CLHC1: variants seen among roughly 807,000 people sequenced by gnomAD.
CLHC1 encodes the protein clathrin heavy chain linker domain-containing protein 1.
Under a neutral mutation model 69.5 loss-of-function variants are expected in CLHC1, and 72 were observed. The ratio of observed to expected loss-of-function variants is 1.04; its 90% CI spans 0.86 to 1.26. CLHC1 has a LOEUF of 1.26. Among genes scored for constraint, CLHC1 ranks in the 50% most tolerant of loss-of-function variants. The pLI, the probability that CLHC1 is intolerant of heterozygous loss-of-function variation, is 0.00. For missense variants in CLHC1, 790 were observed against 679.3 expected, an observed-to-expected ratio of 1.16 and a Z score of -1.81; for synonymous variants, 223 against 224.3, an observed-to-expected ratio of 0.99 and a Z score of 0.05.
At chr2:55,185,721 T>C (rs1670356286) in intron 9 of CLHC1, among the ~76,000 whole-genome samples, 1 of 152,218 alleles carries the variant, frequency 6.6e-6, no homozygotes, top group Non-Finnish European at 1.5e-5. Context: ...TAGTCCTTTA[T>C]CTCATTGAAA....
At chr2:55,197,746 C>T (rs567232626) in intron 9 of CLHC1, among the ~76,000 whole-genome samples, 15 of 152,272 alleles carry the variant, frequency 9.9e-5, no homozygotes, top group African/African-American at 2.6e-4. Flanking sequence ...AACAAGCCCA[C>T]ACTGTGAAGA....
rs187383804 is a variant in CLHC1, at chr2:55,172,686, T to C, written c.*3104A>G. 8.0e-6 allele frequency among the ~76,000 whole-genome samples: 1 copy of C among 125,364 alleles called. No individual in the cohort carries two copies. The highest frequency in any genetic ancestry group is 3.1e-5 in the African/African-American group (1 of 32,202). The allele number at this position is 125,364 out of a possible 152,430, so 82.2% of individuals were successfully genotyped here. A position where few individuals can be genotyped will look rare whatever the true frequency, so the allele number is the denominator to read the frequency against. ...ATGGAAGAAATGTATGAGCTTTCTA[T>C]GAAATGTACAAAGTTAAAAAAAAAA... On this transcript the variant is annotated 3_prime_UTR_variant, in exon 13 of 13. Transcript: ENST00000401408.
rs76133933 is a variant in CLHC1 at position 55,212,368 on chromosome 2, C to A, written c.499+305G>T. Among the ~76,000 whole-genome samples the A allele has an allele frequency of 3.0e-3, 463 of 152,306 alleles. 3 individuals carry two copies. The highest frequency in any genetic ancestry group is 0.011 in the African/African-American group (459 of 41,570). The stretch of plus-strand genomic sequence containing the variant: ...TTTCTGACACAGTTAAGTCTCTGAT[C>A]TGATGGGAATCAGGAATTTGCATTT... On this transcript the variant is annotated intron_variant, in intron 5 of 12. Transcript: ENST00000401408.
intron 12 of CLHC1, 33 bp from the exon 13 acceptor site, chr2:55,176,019 C>A: frequency 6.6e-7 from 1 of 1,511,550 alleles, no homozygotes; most frequent in Non-Finnish European, 9.1e-7. Context: ...TATAGTATGG[C>A]ACTTATTTGA....
chr2:55,202,342 G>C (rs1022653384), intron 9 of CLHC1, among the ~76,000 whole-genome samples: 1 of 151,130 alleles, frequency 6.6e-6, no homozygotes, highest in East Asian at 1.9e-4. Flanking sequence ...GATCACCTGA[G>C]GTCAGGAGTT....
At chr2:55,190,759 A>T (rs1053423973) in intron 9 of CLHC1, among the ~76,000 whole-genome samples, 1 of 152,206 alleles carries the variant, frequency 6.6e-6, no homozygotes, top group Admixed American at 6.5e-5. Flanking sequence ...CATATAACTG[A>T]CATCCCTGAA....
At chr2:55,204,743 T>C (rs991701543) in intron 9 of CLHC1, among the ~76,000 whole-genome samples, 12 of 152,178 alleles carry the variant, frequency 7.9e-5, no homozygotes, top group Non-Finnish European at 1.6e-4. Context: ...TGGAGTACTA[T>C]TCAGTCATAA....
chr2:55,202,353 C>A (rs192622919), intron 9 of CLHC1, among the ~76,000 whole-genome samples: 1 of 150,894 alleles, frequency 6.6e-6, no homozygotes, highest in Admixed American at 6.6e-5. Context: ...GTCAGGAGTT[C>A]GAGATCAGCC....
At chr2:55,201,265 C>T (rs1250895560) in intron 9 of CLHC1, among the ~76,000 whole-genome samples, 1 of 151,016 alleles carries the variant, frequency 6.6e-6, no homozygotes, top group Non-Finnish European at 1.5e-5. Context: ...ATTGACAAAT[C>T]CTTAGCCAAA....
At chr2:55,216,928 G>A (rs956532298) in intron 4 of CLHC1, among the ~76,000 whole-genome samples, 6 of 152,198 alleles carry the variant, frequency 3.9e-5, no homozygotes, top group African/African-American at 7.2e-5. Context: ...CATGCAGATC[G>A]CTTGAGCTCA....
rs766301665 is a variant in CLHC1, at chr2:55,210,348, A to C, written c.500-517T>G. ...GTAGCTGGGACTATAGGCGCCTGCC[A>C]CCATGCCCGGCTAATTTTTGTATTT... is the stretch of plus-strand genomic sequence containing the variant. On this transcript the variant is annotated intron_variant, in intron 5 of 12. Coordinates refer to ENST00000401408, the MANE Select transcript of CLHC1 (RefSeq NM_152385.4). 2.5e-4 allele frequency among the ~76,000 whole-genome samples: 38 copies of C among 151,996 alleles called. 1 individual carries two copies. The highest frequency in any genetic ancestry group is 6.3e-3 in the Middle Eastern group (2 of 316).
At chr2:55,199,650 G>A (rs577082426) in intron 9 of CLHC1, among the ~76,000 whole-genome samples, 53 of 152,174 alleles carry the variant, frequency 3.5e-4, no homozygotes, top group Non-Finnish European at 8.8e-5. Context: ...ATTTGTTTAT[G>A]CAATCAGTGT....
chr2:55,177,471 T>C, intron 12 of CLHC1, 131 bp downstream of exon 12: 1 of 505,362 alleles, frequency 2.0e-6, no homozygotes, highest in Non-Finnish European at 3.4e-6. Context: ...TTTACATTTA[T>C]AAACTCCTAA....
intron 9 of CLHC1, among the ~76,000 whole-genome samples, chr2:55,188,741 A>G (rs1410406473): frequency 6.6e-6 from 1 of 152,182 alleles, no homozygotes; most frequent in African/African-American, 2.4e-5. Flanking sequence ...TTCAATCTAG[A>G]AGATTTAAAA....
chr2:55,191,011 G>A, intron 9 of CLHC1, among the ~76,000 whole-genome samples: 1 of 152,090 alleles, frequency 6.6e-6, no homozygotes, highest in Non-Finnish European at 1.5e-5. Flanking sequence ...GAAGTACAAA[G>A]ATAAAGATGA....
chr2:55,177,528 T>A, intron 12 of CLHC1, 74 bp downstream of exon 12: 1 of 1,045,368 alleles, frequency 9.6e-7, no homozygotes, highest in Non-Finnish European at 1.3e-6. Context: ...TTGAGTTAAC[T>A]CATGCATAAC....
chr2:55,206,432 A>G (rs1672455742), intron 8 of CLHC1, 56 bp from the exon 9 acceptor site: 1 of 982,490 alleles, frequency 1.0e-6, no homozygotes, highest in East Asian at 2.4e-5. Flanking sequence ...AAGAGAAAAA[A>G]CTGATTAGAA....
At position 55,222,347 on chromosome 2, in the gene CLHC1, T is replaced by C. The variant is rs202011884; in HGVS notation, c.65A>G (p.Glu22Gly). ...LPPIICRSDKEFLESVQRYII... is the reference protein window; with the variant it reads ...LPPIICRSDKGFLESVQRYII... ...GTATCTTTGCACACTTTCCAAAAATTCCTTGTCACTTCTACAAATGATAGG... is the reference window on the plus strand; with the variant it reads ...GTATCTTTGCACACTTTCCAAAAATCCCTTGTCACTTCTACAAATGATAGG... The change falls in exon 3 of 13, where the codon GAA becomes GGA. Residue 22 changes from glutamate to glycine, a missense_variant. By Grantham distance (98) the Glu-to-Gly change is moderately conservative. Coordinates refer to ENST00000401408, the MANE Select transcript of CLHC1 (RefSeq NM_152385.4). 7.8e-5 allele frequency: 126 copies of C among 1,613,910 alleles called. 1 individual carries two copies. In the East Asian group the frequency reaches 8.7e-4, roughly 11 times the overall value.
At chr2:55,209,553 T>G (rs775898112) in intron 6 of CLHC1, 37 bp from the exon 7 acceptor site, 5 of 1,577,940 alleles carry the variant, frequency 3.2e-6, no homozygotes, top group Non-Finnish European at 3.5e-6. Context: ...ACACTGAGCC[T>G]AAAATCAAAT....
Sources: gnomAD v4.1 joint callset for allele counts (sites outside exome capture counted in the v4.1 genomes callset) on GRCh38, gnomAD v4.1.1 for gene constraint, MANE v1.5 for transcripts, NCBI Gene and HGNC (gene_info 2026-07-23, HGNC 2026-07-21) for gene names.